MALRD1: variants seen among roughly 807,000 people sequenced by gnomAD.
MALRD1 encodes MAM and LDL receptor class A domain containing 1.
Under a neutral mutation model 242.1 loss-of-function variants are expected in MALRD1, and 247 were observed. The observed-to-expected ratio is 1.02, with a 90% CI of 0.92 to 1.13. The LOEUF (loss-of-function observed/expected upper bound fraction) is 1.13. Among genes scored for constraint, MALRD1 ranks in the 50% most tolerant of loss-of-function variants. The probability of loss-of-function intolerance (pLI) is 0.00; values close to 1 mark genes in which losing one functional copy is unlikely to be tolerated. For synonymous variants in MALRD1, 995 were observed against 866.6 expected, an observed-to-expected ratio of 1.15 and a Z score of -2.60; for missense variants, 2,989 against 2,533.1, an observed-to-expected ratio of 1.18 and a Z score of -3.86.
intron 28 of MALRD1, among the ~76,000 whole-genome samples, chr10:19,403,335 A>G (rs1423776546): frequency 6.6e-6 from 1 of 152,190 alleles, no homozygotes; most frequent in Non-Finnish European, 1.5e-5. Flanking sequence ...ATTAGACCAT[A>G]TGTATTAGGG....
chr10:19,330,931 T>C (rs7894730), intron 23 of MALRD1, among the ~76,000 whole-genome samples: 117,431 of 152,092 alleles, frequency 0.77, 45,759 homozygotes, highest in African/African-American at 0.87. Flanking sequence ...AGAGATCTGA[T>C]GAATGACAAG....
intron 29 of MALRD1, among the ~76,000 whole-genome samples, chr10:19,466,428 A>T (rs569397395): frequency 2.0e-5 from 3 of 152,122 alleles, no homozygotes; most frequent in Non-Finnish European, 4.4e-5. Context: ...TATATTTTCT[A>T]TCTTTACATT....
intron 2 of MALRD1, 127 bp downstream of exon 2, chr10:19,066,986 A>C: frequency 3.2e-6 from 2 of 629,170 alleles, no homozygotes; most frequent in Non-Finnish European, 4.6e-6. Flanking sequence ...TTAGGGAAGC[A>C]GAATCTTGTC....
At position 19,734,176 on chromosome 10, in the gene MALRD1, C is replaced by G; in HGVS notation, c.6410C>G (p.Ser2137Ter). Residue 2137 changes from serine to a stop codon, truncating the protein, a stop_gained, in exon 40 of 40, where the codon TCA becomes TGA. Coordinates refer to ENST00000454679, the MANE Select transcript of MALRD1 (RefSeq NM_001142308.3). LOFTEE classifies it high-confidence loss of function. ...EKTESSVYSF[S>*]NPLYGTTSGS... ...CGTCAGAGTTCTGTCTATTCCTTCTCAAACCCATTATATGGCACAACATCA... is the reference window on the plus strand; with the variant it reads ...CGTCAGAGTTCTGTCTATTCCTTCTGAAACCCATTATATGGCACAACATCA... 6.5e-7 allele frequency: 1 copy of G among 1,535,484 alleles called. No individual in the cohort carries two copies. The highest frequency in any genetic ancestry group is 8.7e-7 in the Non-Finnish European group (1 of 1,146,634).
chr10:19,107,332 C>T (rs72788932), intron 5 of MALRD1, among the ~76,000 whole-genome samples: 23,326 of 151,764 alleles, frequency 0.15, 1,838 homozygotes, highest in Middle Eastern at 0.21. Context: ...TATATATTTA[C>T]AAGTATTTTA....
At chr10:19,120,662 A>G (rs1310183901) in intron 5 of MALRD1, among the ~76,000 whole-genome samples, 2 of 152,206 alleles carry the variant, frequency 1.3e-5, no homozygotes, top group African/African-American at 4.8e-5. Context: ...TGATGGGTAC[A>G]GGTGATGAAA....
intron 28 of MALRD1, among the ~76,000 whole-genome samples, chr10:19,421,676 A>C (rs915469051): frequency 3.9e-5 from 6 of 152,230 alleles, no homozygotes. Flanking sequence ...CATGTTAATA[A>C]GGTTAAAAAC....
At chr10:19,487,295 C>G (rs1055926335) in intron 29 of MALRD1, among the ~76,000 whole-genome samples, 11 of 151,620 alleles carry the variant, frequency 7.3e-5, no homozygotes, top group African/African-American at 2.7e-4. Context: ...AACAGTCTTT[C>G]ATTAAAAAAA....
intron 28 of MALRD1, among the ~76,000 whole-genome samples, chr10:19,428,495 T>C (rs1473571221): frequency 6.6e-6 from 1 of 152,108 alleles, no homozygotes; most frequent in Non-Finnish European, 1.5e-5. Flanking sequence ...TCCTAATCTC[T>C]GCCTCTTCTT....
At chr10:19,285,239 A>G (rs1170123748) in intron 21 of MALRD1, among the ~76,000 whole-genome samples, 1 of 142,988 alleles carries the variant, frequency 7.0e-6, no homozygotes, top group African/African-American at 2.7e-5. Context: ...TTTGCTGTGC[A>G]GAAGCTCTTT....
At chr10:19,630,701 G>T (rs576859555) in intron 36 of MALRD1, among the ~76,000 whole-genome samples, 35 of 152,098 alleles carry the variant, frequency 2.3e-4, no homozygotes, top group African/African-American at 8.2e-4. Context: ...GGATTTTATG[G>T]TGTCAAGAGA....
chr10:19,143,947 C>T (rs1190104620), intron 10 of MALRD1, among the ~76,000 whole-genome samples: 2 of 152,076 alleles, frequency 1.3e-5, no homozygotes, highest in Admixed American at 1.3e-4. Flanking sequence ...GACACTCTCC[C>T]CTGGGGAGTA....
chr10:19,434,028 G>A (rs1295530174), intron 28 of MALRD1, among the ~76,000 whole-genome samples: 2 of 152,048 alleles, frequency 1.3e-5, no homozygotes, highest in Admixed American at 6.6e-5. Context: ...AGAAAGACTG[G>A]TATGGTAAAA....
intron 21 of MALRD1, among the ~76,000 whole-genome samples, chr10:19,313,862 T>G (rs1842532555): frequency 6.6e-6 from 1 of 151,530 alleles, no homozygotes; most frequent in Non-Finnish European, 1.5e-5. Context: ...CTCTGATACC[T>G]TTGTTATTGA....
chr10:19,167,944 G>T (rs1170179733), intron 13 of MALRD1, among the ~76,000 whole-genome samples: 1 of 152,146 alleles, frequency 6.6e-6, no homozygotes, highest in African/African-American at 2.4e-5. Context: ...AGGATTATAT[G>T]GTGTGTACTT....
chr10:19,315,632 T>TAAA (rs1842664979), intron 21 of MALRD1, among the ~76,000 whole-genome samples: 1 of 117,576 alleles, frequency 8.5e-6, no homozygotes, highest in Non-Finnish European at 1.6e-5. Context: ...ATTATAAATA[T>TAAA]TATTTATATA....
chr10:19,158,307 AT>A (rs1834253186), intron 12 of MALRD1, among the ~76,000 whole-genome samples: 1 of 152,234 alleles, frequency 6.6e-6, no homozygotes, highest in Admixed American at 6.5e-5. Context: ...TTGTATGTTC[AT>A]CTATTGATCT....
intron 19 of MALRD1, among the ~76,000 whole-genome samples, chr10:19,261,016 A>C (rs1839724161): frequency 6.6e-6 from 1 of 152,218 alleles, no homozygotes; most frequent in Non-Finnish European, 1.5e-5. Context: ...TTCAGTGGCC[A>C]GGGCTTTCCC....
chr10:19,469,249 A>T (rs891291306), intron 29 of MALRD1, among the ~76,000 whole-genome samples: 4 of 152,148 alleles, frequency 2.6e-5, no homozygotes, highest in African/African-American at 9.7e-5. Context: ...ACACAAAGTA[A>T]GCATATTACC....
Sources: gnomAD v4.1 joint callset for allele counts (sites outside exome capture counted in the v4.1 genomes callset) on GRCh38, gnomAD v4.1.1 for gene constraint, MANE v1.5 for transcripts, NCBI Gene and HGNC (gene_info 2026-07-23, HGNC 2026-07-21) for gene names.